Variants in PAPOLA observed in about 807,000 individuals in gnomAD.
PAPOLA encodes poly(A) polymerase alpha, also known as polynucleotide adenylyltransferase alpha.
PAPOLA carries 15 observed loss-of-function variants against 100.6 expected under a neutral mutation model. That is an observed-to-expected ratio of 0.15 (90% CI 0.10 to 0.23). The LOEUF is 0.23. Ranked by LOEUF, PAPOLA falls within the 10% of genes least tolerant of loss-of-function variation. PAPOLA has a pLI of 1.00. For missense variants in PAPOLA, 533 were observed against 884.2 expected, an observed-to-expected ratio of 0.60 and a Z score of 5.04; for synonymous variants, 293 against 300.0, an observed-to-expected ratio of 0.98 and a Z score of 0.24.
At position 96,552,487 on chromosome 14, in the gene PAPOLA, CAGA is replaced by C; in HGVS notation, c.1532_1534del (p.Glu511del). On this transcript the variant is annotated inframe_deletion, in exon 17 of 22. Coordinates refer to ENST00000216277, the MANE Select transcript of PAPOLA (RefSeq NM_032632.5). ...ATGTTTTATTGTTTGCAGCATTCAA[CAGA>C]AGGTGTCAAATTGACAGCTCTCAAT... is the stretch of plus-strand genomic sequence containing the variant. 1 of 1,612,682 alleles carries C rather than the reference CAGA, an allele frequency of 6.2e-7. No individual in the cohort carries two copies. The highest frequency in any genetic ancestry group is 8.5e-7 in the Non-Finnish European group (1 of 1,178,806).
chr14:96,511,299 G>C (rs1897092866), intron 1 of PAPOLA, among the ~76,000 whole-genome samples: 1 of 152,122 alleles, frequency 6.6e-6, no homozygotes. Flanking sequence ...GGTGGCTCAT[G>C]CCCGTAATCC....
intron 21 of PAPOLA, among the ~76,000 whole-genome samples, chr14:96,564,315 A>C (rs890293632): frequency 6.6e-6 from 1 of 152,098 alleles, no homozygotes; most frequent in African/African-American, 2.4e-5. Flanking sequence ...TAATGAATAC[A>C]TGGGGATGCA....
chr14:96,521,773 G>A (rs532943279), intron 3 of PAPOLA, among the ~76,000 whole-genome samples: 12 of 151,430 alleles, frequency 7.9e-5, no homozygotes, highest in Admixed American at 5.2e-4. Flanking sequence ...GCCGCTGCCC[G>A]GCCTATTTAG....
intron 19 of PAPOLA, among the ~76,000 whole-genome samples, chr14:96,559,550 C>CCTCTCTCTCTCTCTCTCT (rs66829530): frequency 8.4e-6 from 1 of 118,482 alleles, no homozygotes; most frequent in Admixed American, 8.3e-5. Context: ...GCTAAATTAA[C>CCTCTCTCTCTCTCTCTCT]CTCTCTCTCT....
At chr14:96,545,885 C>T (rs150792332) in intron 15 of PAPOLA, among the ~76,000 whole-genome samples, 6 of 152,074 alleles carry the variant, frequency 3.9e-5, no homozygotes, top group African/African-American at 9.6e-5. Flanking sequence ...TAATAAGTCA[C>T]GGATACTTAC....
At chr14:96,557,738 TTTTC>T (rs558446642) in intron 19 of PAPOLA, among the ~76,000 whole-genome samples, 24 of 151,594 alleles carry the variant, frequency 1.6e-4, no homozygotes, top group African/African-American at 2.4e-4. Context: ...TCTGAAGACT[TTTTC>T]TTTCTTTTTT....
In PAPOLA at chr14:96,544,137, T is replaced by C; in HGVS notation, c.1290-12T>C. The stretch of plus-strand genomic sequence containing the variant: ...AAATCCAGATAAACTATGGTAATGC[T>C]CTTCTTTGCAGGGAAGAATTTCGCA... On this transcript the variant is annotated splice_polypyrimidine_tract_variant and intron_variant, in intron 14 of 21. Coordinates refer to ENST00000216277, the MANE Select transcript of PAPOLA (RefSeq NM_032632.5). 2 of 1,418,240 alleles carry C rather than the reference T, an allele frequency of 1.4e-6. No homozygotes were observed. Among genetic ancestry groups the C allele is most frequent in the Non-Finnish European group, 2.0e-6 (2 of 1,005,140 alleles). 87.9% of individuals were successfully genotyped at this position (1,418,240 alleles called of 1,614,324 possible).
chr14:96,558,296 A>G lies in PAPOLA; in HGVS notation c.2004+1883A>G, dbSNP rs570826477. Among the ~76,000 whole-genome samples the G allele has an allele frequency of 3.3e-5, 5 of 152,266 alleles. No homozygotes were observed. The South Asian group carries it at 1.0e-3, about 32-fold the overall frequency. Reference sequence around the variant, plus strand: ...GTGCAGCAGCTAAAGAATATACTCAATTTTTGTGTCAATTACACATTCAGA... The same window carrying G: ...GTGCAGCAGCTAAAGAATATACTCAGTTTTTGTGTCAATTACACATTCAGA... On this transcript the variant is annotated intron_variant, in intron 19 of 21. Coordinates refer to ENST00000216277, the MANE Select transcript of PAPOLA (RefSeq NM_032632.5).
intron 1 of PAPOLA, among the ~76,000 whole-genome samples, chr14:96,511,037 T>C (rs1420414207): frequency 6.6e-6 from 1 of 152,268 alleles, no homozygotes; most frequent in Non-Finnish European, 1.5e-5. Context: ...TGATGAATTG[T>C]TACTTTAAAT....
At position 96,520,302 on chromosome 14, in the gene PAPOLA, C is replaced by G. The variant is rs926230730; in HGVS notation, c.182+74C>G. 10 of 1,112,474 alleles carry G rather than the reference C, an allele frequency of 9.0e-6. No homozygotes were observed. The South Asian group carries it at 1.4e-4, about 15-fold the overall frequency. 68.9% of individuals were successfully genotyped at this position (1,112,474 alleles called of 1,614,324 possible). ...TGACATAAACTAATTTTGAGGCATT[C>G]TCTACTTACTTAGAAGACCAGGGTT... On this transcript the variant is annotated intron_variant, in intron 2 of 21. Transcript: ENST00000216277.
chr14:96,512,029 T>G (rs1423611583), intron 1 of PAPOLA, among the ~76,000 whole-genome samples: 1 of 152,222 alleles, frequency 6.6e-6, no homozygotes, highest in Non-Finnish European at 1.5e-5. Context: ...ATTTGTTTGG[T>G]GCCCCTTGCT....
chr14:96,528,307 C>T (rs981160175), intron 6 of PAPOLA, among the ~76,000 whole-genome samples: 2 of 152,134 alleles, frequency 1.3e-5, no homozygotes, highest in South Asian at 2.1e-4. Flanking sequence ...TGCTTTTAGT[C>T]TCATTAAGGC....
At chr14:96,544,079 A>T in intron 14 of PAPOLA, 70 bp from the exon 15 acceptor site, 1 of 827,926 alleles carries the variant, frequency 1.2e-6, no homozygotes, top group South Asian at 1.5e-5. Flanking sequence ...CATGTCTCTG[A>T]TTGTCAGCCA....
At chr14:96,532,306 G>GTGT (rs1555393362) in intron 7 of PAPOLA, 25 bp from the exon 8 acceptor site, 2 of 1,250,360 alleles carry the variant, frequency 1.6e-6, no homozygotes, top group African/African-American at 3.0e-5. Context: ...GTGTGTGTGT[G>GTGT]TTTTTTTTTA....
intron 19 of PAPOLA, among the ~76,000 whole-genome samples, chr14:96,559,157 A>G (rs893064684): frequency 9.9e-5 from 15 of 152,028 alleles, no homozygotes; most frequent in Non-Finnish European, 2.1e-4. Flanking sequence ...ATTTCCTACC[A>G]GAAGAACTTG....
chr14:96,539,662 C>T (rs548696205), intron 12 of PAPOLA, among the ~76,000 whole-genome samples: 31 of 152,138 alleles, frequency 2.0e-4, no homozygotes, highest in South Asian at 2.1e-4. Flanking sequence ...GAGGCACTTG[C>T]GCATCATAAA....
Position 96,521,028 on chromosome 14 carries a change from A to C in PAPOLA, c.205A>C (p.Asn69His). ...CAGGATTTTAATTTTGGGAAAACTA[A>C]ATAACCTGGTAAAAGAGTGGATACG... ...QRRILILGKL[N>H]NLVKEWIREI... is the part of the protein sequence containing the mutation. The change falls in exon 3 of 22, where the codon AAT becomes CAT. Residue 69 changes from asparagine to histidine, a missense_variant. Transcript: ENST00000216277. The C allele has an allele frequency of 6.5e-7, 1 of 1,544,120 alleles. No individual in the cohort carries two copies. Among genetic ancestry groups the C allele is most frequent in the East Asian group, 2.2e-5 (1 of 44,454 alleles).
intron 18 of PAPOLA, 111 bp from the exon 19 acceptor site, chr14:96,556,063 AT>A: frequency 8.5e-7 from 1 of 1,179,706 alleles, no homozygotes; most frequent in Non-Finnish European, 1.2e-6. Flanking sequence ...ATGCCAGTTT[AT>A]TTTTTGCATG....
At chr14:96,536,801 T>TA (rs201476085) in intron 11 of PAPOLA, 175 bp from the exon 12 acceptor site, 2,055 of 391,330 alleles carry the variant, frequency 5.3e-3, no homozygotes, top group African/African-American at 6.3e-3. Flanking sequence ...TCCAGCTTTT[T>TA]AAAAAAAAAA....
Sources: gnomAD v4.1 joint callset for allele counts (sites outside exome capture counted in the v4.1 genomes callset) on GRCh38, gnomAD v4.1.1 for gene constraint, MANE v1.5 for transcripts, NCBI Gene and HGNC (gene_info 2026-07-23, HGNC 2026-07-21) for gene names.